Variants in SLC4A7 observed in about 807,000 individuals in gnomAD.
The protein encoded by SLC4A7 is solute carrier family 4 member 7, also known as sodium bicarbonate cotransporter 3.
Under a neutral mutation model 137.6 loss-of-function variants are expected in SLC4A7, and 51 were observed. That is an observed-to-expected ratio of 0.37 (90% CI 0.30 to 0.47). The LOEUF is 0.47. Among genes scored for constraint, SLC4A7 ranks in the 20% least tolerant of loss-of-function variants. SLC4A7 has a pLI of 1.00. For synonymous variants in SLC4A7, 542 were observed against 518.6 expected, an observed-to-expected ratio of 1.05 and a Z score of -0.61; for missense variants, 1,247 against 1,525.4, an observed-to-expected ratio of 0.82 and a Z score of 3.04.
chr3:27,473,705 CAAAAAAAA>C (rs747183440), intron 1 of SLC4A7, among the ~76,000 whole-genome samples: 1 of 59,464 alleles, frequency 1.7e-5, no homozygotes, highest in South Asian at 7.8e-4. Context: ...GACCTCATGT[CAAAAAAAA>C]AAAAAAAAAA....
At chr3:27,473,994 G>C (rs147938483) in intron 1 of SLC4A7, among the ~76,000 whole-genome samples, 122 of 152,152 alleles carry the variant, frequency 8.0e-4, no homozygotes, top group Non-Finnish European at 1.4e-3. Flanking sequence ...CCTTTATAAA[G>C]TATAATTTAT....
At chr3:27,433,795 A>T in intron 6 of SLC4A7, 121 bp downstream of exon 6, 1 of 758,986 alleles carries the variant, frequency 1.3e-6, no homozygotes, top group Non-Finnish European at 2.2e-6. Flanking sequence ...AGCAGGAAGG[A>T]GAAGTAATTC....
intron 11 of SLC4A7, among the ~76,000 whole-genome samples, chr3:27,416,477 T>C (rs1028819671): frequency 6.6e-6 from 1 of 152,202 alleles, no homozygotes; most frequent in Non-Finnish European, 1.5e-5. Flanking sequence ...TGGTAATAAA[T>C]TATTATTAAA....
At chr3:27,482,317 A>G (rs761020162) in intron 1 of SLC4A7, among the ~76,000 whole-genome samples, 1 of 152,214 alleles carries the variant, frequency 6.6e-6, no homozygotes, top group Non-Finnish European at 1.5e-5. Context: ...TAGGCAGGCA[A>G]TATTTGAGAA....
chr3:27,473,171 C>T (rs1326460553), intron 1 of SLC4A7, among the ~76,000 whole-genome samples: 2 of 151,892 alleles, frequency 1.3e-5, no homozygotes, highest in Admixed American at 1.3e-4. Context: ...TGTGTGTACG[C>T]ACCATTAGTC....
At position 27,448,667 on chromosome 3, in the gene SLC4A7, C is replaced by G; in HGVS notation, c.273G>C (p.Arg91=). ...TTCTCTTACCATAAGAAGGAGATTC[C>G]CGTCCATCTTCTTTATCTGATTCTT... ...KDKESDKEDG[R]ESPSYDTPSQ... Residue 91 remains arginine (R), a synonymous_variant, in exon 3 of 26, where the codon CGG becomes CGC. Transcript: ENST00000454389. 6.2e-7 allele frequency: 1 copy of G among 1,611,082 alleles called. No homozygotes were observed. Among genetic ancestry groups the G allele is most frequent in the Non-Finnish European group, 8.5e-7 (1 of 1,178,520 alleles).
intron 21 of SLC4A7, among the ~76,000 whole-genome samples, chr3:27,391,029 T>A (rs1333025926): frequency 6.6e-6 from 1 of 152,124 alleles, no homozygotes; most frequent in East Asian, 1.9e-4. Flanking sequence ...CACTGTGTTG[T>A]CCAGGCTGGT....
intron 22 of SLC4A7, among the ~76,000 whole-genome samples, chr3:27,387,467 A>T (rs1286202233): frequency 6.6e-6 from 1 of 152,146 alleles, no homozygotes; most frequent in East Asian, 1.9e-4. Context: ...GTTCACAATG[A>T]CACCACCCCC....
At chr3:27,483,819 G>A (rs2150780318) in intron 1 of SLC4A7, among the ~76,000 whole-genome samples, 2 of 151,698 alleles carry the variant, frequency 1.3e-5, no homozygotes, top group Middle Eastern at 6.8e-3. Flanking sequence ...CCGCGCAGAG[G>A]ATGCCCGCGG....
At chr3:27,377,144 C>G (rs1311673420) in intron 25 of SLC4A7, among the ~76,000 whole-genome samples, 1 of 151,932 alleles carries the variant, frequency 6.6e-6, no homozygotes, top group Non-Finnish European at 1.5e-5. Context: ...TGTTGGATTA[C>G]TTTTATTTCA....
intron 22 of SLC4A7, among the ~76,000 whole-genome samples, chr3:27,388,643 C>A (rs576943522): frequency 6.6e-6 from 1 of 152,228 alleles, no homozygotes; most frequent in South Asian, 2.1e-4. Context: ...AGTTAAATTT[C>A]ATCCACCATC....
At chr3:27,382,125 TATC>T (rs1310397927) in intron 24 of SLC4A7, among the ~76,000 whole-genome samples, 5 of 150,542 alleles carry the variant, frequency 3.3e-5, no homozygotes, top group Admixed American at 3.3e-4. Context: ...TTGTTATTAT[TATC>T]ATTATTTTTG....
chr3:27,402,868 A>G (rs766770289), intron 15 of SLC4A7, among the ~76,000 whole-genome samples: 1 of 152,158 alleles, frequency 6.6e-6, no homozygotes, highest in Admixed American at 6.5e-5. Context: ...TCAAATTTAA[A>G]CTGGCCAATC....
At chr3:27,446,882 TTTGTTTTTTTTG>T (rs1252246500) in intron 3 of SLC4A7, among the ~76,000 whole-genome samples, 988 of 94,952 alleles carry the variant, frequency 0.01, 33 homozygotes, top group East Asian at 0.06. Context: ...TTTGTTTTTT[TTTGTTTTTTTTG>T]TTTTTTTTAA....
In SLC4A7 at chr3:27,397,720, A is replaced by C; in HGVS notation, c.2667T>G (p.Val889=). ...IMVTIDYLVG[V]PSPKLHVPEK... is the part of the protein sequence containing the mutation. ...CAGGAACATGAAGTTTAGGAGATGG[A>C]ACTCCTACAAGGTAGTCAATTGTAA... Residue 889 remains valine, a synonymous_variant, in exon 18 of 26, where the codon GTT becomes GTG. Coordinates refer to ENST00000454389, the MANE Select transcript of SLC4A7 (RefSeq NM_001321103.2). 4 of 1,606,972 alleles carry C rather than the reference A, an allele frequency of 2.5e-6. No individual in the cohort carries two copies. The highest frequency in any genetic ancestry group is 3.4e-6 in the Non-Finnish European group (4 of 1,175,814).
In SLC4A7 at chr3:27,377,018, T is replaced by C. The variant is rs889679628; in HGVS notation, c.3699-173A>G. ...TAAACATAACTGGAAAAGCAAATAT[T>C]AAAAATTGTTTTTTAAAAATTGCAA... On this transcript the variant is annotated intron_variant, in intron 25 of 25. Coordinates refer to ENST00000454389, the MANE Select transcript of SLC4A7 (RefSeq NM_001321103.2). Among the ~76,000 whole-genome samples the C allele has an allele frequency of 3.3e-5, 5 of 152,254 alleles. No homozygotes were observed. The East Asian group carries it at 9.6e-4, about 29-fold the overall frequency.
intron 7 of SLC4A7, among the ~76,000 whole-genome samples, chr3:27,425,835 T>C (rs2055551657): frequency 1.3e-5 from 2 of 152,060 alleles, no homozygotes. Flanking sequence ...GAATATAGAC[T>C]AATAATTCCT....
chr3:27,386,937 A>T (rs2150053463), intron 22 of SLC4A7, among the ~76,000 whole-genome samples: 1 of 152,302 alleles, frequency 6.6e-6, no homozygotes, highest in African/African-American at 2.4e-5. Context: ...AAATCGTCCA[A>T]TACTAAATTC....
In SLC4A7 at chr3:27,372,818, A is replaced by G. The variant is rs1202872644; in HGVS notation, c.*3946T>C. On this transcript the variant is annotated 3_prime_UTR_variant, in exon 26 of 26. Transcript: ENST00000454389. ...TTATGAAACAAATTTGAAAGGCAGG[A>G]TGATTCACAATATAGACCCAGTAGA... 1 of 152,684 alleles carries G rather than the reference A, an allele frequency of 6.5e-6. No individual in the cohort carries two copies. Among genetic ancestry groups the G allele is most frequent in the Non-Finnish European group, 1.5e-5 (1 of 68,048 alleles). The allele number at this position is 152,684 out of a possible 1,614,324, so 9.5% of individuals were successfully genotyped here. A position where few individuals can be genotyped will look rare whatever the true frequency, so the allele number is the denominator to read the frequency against.
Sources: allele counts gnomAD v4.1 joint callset (sites outside exome capture counted in the v4.1 genomes callset), GRCh38; gene constraint gnomAD v4.1.1; transcripts MANE v1.5; gene names NCBI Gene and HGNC (gene_info 2026-07-23, HGNC 2026-07-21).